OBI1: variants seen among roughly 807,000 people sequenced by gnomAD.
OBI1 encodes the protein ring finger protein 219.
Under a neutral mutation model 62.4 loss-of-function variants are expected in OBI1, and 59 were observed. The ratio of observed to expected loss-of-function variants is 0.95; its 90% CI spans 0.77 to 1.17. The LOEUF (loss-of-function observed/expected upper bound fraction) is 1.17, where lower values mean the gene tolerates loss of function less well. Ranked by LOEUF, OBI1 falls within the 50% of genes most tolerant of loss-of-function variation. The pLI, the probability that OBI1 is intolerant of heterozygous loss-of-function variation, is 0.00. For missense variants in OBI1, 875 were observed against 830.9 expected (o/e 1.05, Z -0.65); for synonymous variants, 302 against 292.8 (o/e 1.03, Z -0.32).
chr13:78,652,864 G>C (rs1388537464), intron 1 of OBI1, among the ~76,000 whole-genome samples: 1 of 152,180 alleles, frequency 6.6e-6, no homozygotes, highest in Non-Finnish European at 1.5e-5. Flanking sequence ...TGACTGAACA[G>C]TACCTGACTG....
chr13:78,640,111 GA>G (rs1052977471), intron 3 of OBI1, among the ~76,000 whole-genome samples: 1 of 150,780 alleles, frequency 6.6e-6, no homozygotes, highest in Non-Finnish European at 1.5e-5. Context: ...TTTCAAAAAA[GA>G]ACAAAAAAAC....
At chr13:78,638,569 A>G (rs935489859) in intron 4 of OBI1, among the ~76,000 whole-genome samples, 2 of 152,210 alleles carry the variant, frequency 1.3e-5, no homozygotes, top group Non-Finnish European at 2.9e-5. Context: ...ATTCTTCTAG[A>G]AGAAGATGCA....
intron 3 of OBI1, among the ~76,000 whole-genome samples, chr13:78,639,702 T>G (rs1403649312): frequency 6.7e-6 from 1 of 148,622 alleles, no homozygotes. Context: ...GGGACATGGA[T>G]GAAATTGGAA....
At chr13:78,638,758 T>C (rs1876106238) in intron 4 of OBI1, 65 bp downstream of exon 4, 2 of 1,410,092 alleles carry the variant, frequency 1.4e-6, no homozygotes, top group Admixed American at 2.0e-5. Context: ...AATATGGCTA[T>C]TTATGCTTTT....
chr13:78,621,721 G>A (rs1252785666), intron 5 of OBI1, among the ~76,000 whole-genome samples: 1 of 152,214 alleles, frequency 6.6e-6, no homozygotes, highest in Non-Finnish European at 1.5e-5. Flanking sequence ...CAAACTTATT[G>A]ACATGGATGA....
chr13:78,657,011 C>T (rs1365006865), intron 1 of OBI1, among the ~76,000 whole-genome samples: 13 of 151,840 alleles, frequency 8.6e-5, no homozygotes, highest in Non-Finnish European at 1.8e-4. Flanking sequence ...TCTCAAACTC[C>T]TGACCTCAGG....
intron 5 of OBI1, among the ~76,000 whole-genome samples, chr13:78,628,945 C>T (rs1167728685): frequency 6.6e-6 from 1 of 151,798 alleles, no homozygotes; most frequent in Non-Finnish European, 1.5e-5. Flanking sequence ...TAATCTCTGA[C>T]ACATAGGCAG....
intron 5 of OBI1, among the ~76,000 whole-genome samples, chr13:78,632,989 T>C (rs1208911261): frequency 6.6e-6 from 1 of 152,216 alleles, no homozygotes; most frequent in Non-Finnish European, 1.5e-5. Flanking sequence ...TTCAGTTCTT[T>C]ATCCAGTTTG....
At chr13:78,647,994 A>C (rs35969100) in intron 1 of OBI1, among the ~76,000 whole-genome samples, 55,730 of 151,610 alleles carry the variant, frequency 0.37, 10,516 homozygotes, top group African/African-American at 0.39. Context: ...AAAAAAAAAT[A>C]ATGAACCATA....
At chr13:78,620,976 G>A (rs999710111) in intron 5 of OBI1, among the ~76,000 whole-genome samples, 3 of 152,178 alleles carry the variant, frequency 2.0e-5, no homozygotes, top group Non-Finnish European at 4.4e-5. Flanking sequence ...CCCAGTGGGT[G>A]GCCAAGACTG....
At chr13:78,625,955 CAAAAGG>C (rs1875653289) in intron 5 of OBI1, among the ~76,000 whole-genome samples, 1 of 152,170 alleles carries the variant, frequency 6.6e-6, no homozygotes, top group African/African-American at 2.4e-5. Flanking sequence ...GATGAGGAAC[CAAAAGG>C]TTAGAGCATT....
intron 1 of OBI1, among the ~76,000 whole-genome samples, chr13:78,649,441 G>C (rs924963145): frequency 2.0e-5 from 3 of 152,222 alleles, no homozygotes; most frequent in African/African-American, 7.2e-5. Context: ...GTGACTATGG[G>C]ATTTAACTGC....
At chr13:78,657,967 C>A (rs79896680) in intron 1 of OBI1, among the ~76,000 whole-genome samples, 14,085 of 152,278 alleles carry the variant, frequency 0.092, 735 homozygotes, top group Middle Eastern at 0.15. Context: ...AGCACATTTG[C>A]TATTTCATTG....
chr13:78,648,305 CACACACAG>C (rs1566286199), intron 1 of OBI1, among the ~76,000 whole-genome samples: 2 of 151,770 alleles, frequency 1.3e-5, no homozygotes, highest in African/African-American at 2.4e-5. Flanking sequence ...CACACACACA[CACACACAG>C]ACACACACAC....
rs192805040 is a variant in OBI1 at position 78,655,457 on chromosome 13, A to G, written c.72+3592T>C. Among the ~76,000 whole-genome samples the G allele has an allele frequency of 8.5e-5, 13 of 152,352 alleles. No individual in the cohort carries two copies. In the East Asian group the frequency reaches 2.3e-3, roughly 27 times the overall value. On this transcript the variant is annotated intron_variant, in intron 1 of 5. Coordinates refer to ENST00000282003, the MANE Select transcript of OBI1 (RefSeq NM_024546.4). ...GAGCTCTTACTTACAATATTGGCAA[A>G]GTAACTAAAAACATTATTGGGTAGA...
chr13:78,629,852 A>C (rs1210922016), intron 5 of OBI1, among the ~76,000 whole-genome samples: 1 of 152,106 alleles, frequency 6.6e-6, no homozygotes, highest in African/African-American at 2.4e-5. Context: ...CAAACTATAA[A>C]AATAGAGGGA....
intron 3 of OBI1, among the ~76,000 whole-genome samples, chr13:78,640,737 T>C (rs1169545213): frequency 6.6e-6 from 1 of 152,142 alleles, no homozygotes; most frequent in East Asian, 1.9e-4. Flanking sequence ...GAGGCGGAGG[T>C]TGCAGTGAGC....
intron 5 of OBI1, among the ~76,000 whole-genome samples, chr13:78,626,460 T>C (rs1296569672): frequency 6.6e-6 from 1 of 151,910 alleles, no homozygotes; most frequent in Non-Finnish European, 1.5e-5. Flanking sequence ...TACAACACGA[T>C]CATTAAAACA....
At chr13:78,642,323 C>A in intron 2 of OBI1, 110 bp from the exon 3 acceptor site, 2 of 673,506 alleles carry the variant, frequency 3.0e-6, no homozygotes, top group African/African-American at 1.8e-5. Context: ...ATCTACCCTT[C>A]CCCTTACATA....
Sources: gnomAD v4.1 joint callset for allele counts (sites outside exome capture counted in the v4.1 genomes callset) on GRCh38, gnomAD v4.1.1 for gene constraint, MANE v1.5 for transcripts, NCBI Gene and HGNC (gene_info 2026-07-23, HGNC 2026-07-21) for gene names.